KIRREL3: variants seen among roughly 807,000 people sequenced by gnomAD.
The protein encoded by KIRREL3 is kin of IRRE-like protein 3.
KIRREL3 carries 36 observed loss-of-function variants against 89.7 expected under a neutral mutation model. That is an observed-to-expected ratio of 0.40 (90% confidence interval 0.31 to 0.53). The LOEUF is 0.53. Among genes scored for constraint, KIRREL3 ranks in the 20% least tolerant of loss-of-function variants. The probability of loss-of-function intolerance (pLI) is 0.49; values close to 1 mark genes in which losing one functional copy is unlikely to be tolerated. For synonymous variants in KIRREL3, 445 were observed against 441.4 expected (o/e 1.01, Z -0.10); for missense variants, 864 against 1,056.6 (o/e 0.82, Z 2.53).
At chr11:126,781,733 G>C (rs1950332543) in intron 1 of KIRREL3, among the ~76,000 whole-genome samples, 1 of 152,096 alleles carries the variant, frequency 6.6e-6, no homozygotes, top group Non-Finnish European at 1.5e-5. Flanking sequence ...GACACCAAAG[G>C]GCTCTGTGGG....
intron 1 of KIRREL3, among the ~76,000 whole-genome samples, chr11:126,629,527 G>T (rs1026905944): frequency 1.3e-5 from 2 of 152,156 alleles, no homozygotes; most frequent in African/African-American, 4.8e-5. Context: ...TCTCTCTAGG[G>T]GTGGAGGGAC....
intron 1 of KIRREL3, among the ~76,000 whole-genome samples, chr11:126,662,953 T>A (rs1431228964): frequency 6.9e-6 from 1 of 144,032 alleles, no homozygotes; most frequent in African/African-American, 2.6e-5. Context: ...TTCTTACTCA[T>A]GTATTTCTAC....
In KIRREL3 at chr11:126,805,320, T is replaced by C. The variant is rs1951170511; in HGVS notation, c.55+195135A>G. Among the ~76,000 whole-genome samples the C allele has an allele frequency of 6.6e-6, 1 of 152,184 alleles. No homozygotes were observed. Among genetic ancestry groups the C allele is most frequent in the Non-Finnish European group, 1.5e-5 (1 of 68,028 alleles). ...AAGGGCTGCCATTCATCAGTCAGCA[T>C]TGATATGGAGAGGGAAAGGAGATTA... is the stretch of plus-strand genomic sequence containing the variant. On this transcript the variant is annotated intron_variant, in intron 1 of 16. Transcript: ENST00000525144. The surrounding 1 kb of genome is among the most constrained non-coding windows in gnomAD (Gnocchi z 4.3).
Position 126,525,702 on chromosome 11 carries a change from C to A in KIRREL3, c.283+836G>T, listed in dbSNP as rs555312858. Among the ~76,000 whole-genome samples the A allele has an allele frequency of 6.6e-6, 1 of 152,300 alleles. No individual in the cohort carries two copies. The highest frequency in any genetic ancestry group is 2.1e-4 in the South Asian group (1 of 4,828). The stretch of plus-strand genomic sequence containing the variant: ...TCACAGGGGAATGACACCCAGAGGT[C>A]CCTGCTTGTGAATTTTACTGTGTAC... On this transcript the variant is annotated intron_variant, in intron 3 of 16. Coordinates refer to ENST00000525144, the MANE Select transcript of KIRREL3 (RefSeq NM_032531.4). This position sits in a 1 kb window ranked among gnomAD's most constrained non-coding sequence, Gnocchi z 5.4.
At chr11:126,720,262 T>G (rs1948119108) in intron 1 of KIRREL3, among the ~76,000 whole-genome samples, 3 of 152,234 alleles carry the variant, frequency 2.0e-5, no homozygotes, top group Admixed American at 2.0e-4. Context: ...AGGTGCCAAA[T>G]AAATATTTGC....
At chr11:126,921,861 G>A (rs1947331045) in intron 1 of KIRREL3, among the ~76,000 whole-genome samples, 1 of 125,586 alleles carries the variant, frequency 8.0e-6, no homozygotes, top group Non-Finnish European at 1.7e-5. Context: ...CTATCTTTCT[G>A]TCATCCTATC....
rs1415454135 is a variant in KIRREL3, at chr11:126,788,251, C to T, written c.55+212204G>A. Reference sequence around the variant, plus strand: ...TTTCATTCCTATGGACGTTGCCTCCCAGGGCTGCTCTCCAAGCCCCAATTC... The same window carrying T: ...TTTCATTCCTATGGACGTTGCCTCCTAGGGCTGCTCTCCAAGCCCCAATTC... On this transcript the variant is annotated intron_variant, in intron 1 of 16. Transcript: ENST00000525144. This position sits in a 1 kb window ranked among gnomAD's most constrained non-coding sequence, Gnocchi z 4.1. 6.6e-6 allele frequency among the ~76,000 whole-genome samples: 1 copy of T among 152,208 alleles called. No homozygotes were observed. Among genetic ancestry groups the T allele is most frequent in the East Asian group, 1.9e-4 (1 of 5,196 alleles).
intron 1 of KIRREL3, among the ~76,000 whole-genome samples, chr11:126,699,071 A>C (rs918497251): frequency 1.3e-5 from 2 of 152,206 alleles, no homozygotes; most frequent in Non-Finnish European, 2.9e-5. Flanking sequence ...AAGGGGTGCC[A>C]GGAGAGAGGC....
intron 1 of KIRREL3, chr11:126,681,840 T>C: frequency 2.2e-6 from 1 of 452,332 alleles, no homozygotes; most frequent in Non-Finnish European, 4.5e-6. Context: ...CGTTTCAGAA[T>C]CCCAGGTCCG....
Position 126,807,679 on chromosome 11 carries a change from T to A in KIRREL3, c.55+192776A>T, listed in dbSNP as rs1451040269. Among the ~76,000 whole-genome samples the A allele has an allele frequency of 1.3e-5, 2 of 152,080 alleles. No homozygotes were observed. The highest frequency in any genetic ancestry group is 2.1e-4 in the South Asian group (1 of 4,824). ...CCTGGAGTGCTTTTCCCCTTACCAT[T>A]CACCTGGATTTTGAAAAATCGTCCT... On this transcript the variant is annotated intron_variant, in intron 1 of 16. Transcript: ENST00000525144. This position sits in a 1 kb window ranked among gnomAD's most constrained non-coding sequence, Gnocchi z 4.3.
chr11:126,745,694 C>T (rs1337862349), intron 1 of KIRREL3, among the ~76,000 whole-genome samples: 1 of 152,198 alleles, frequency 6.6e-6, no homozygotes, highest in Non-Finnish European at 1.5e-5. Context: ...TGAGCTTCAC[C>T]CCCTTGGTGC....
chr11:126,616,905 G>A (rs904872499), intron 1 of KIRREL3, among the ~76,000 whole-genome samples: 2 of 152,240 alleles, frequency 1.3e-5, no homozygotes, highest in African/African-American at 2.4e-5. Context: ...GCCTCCCAAA[G>A]TGTTGGGATT....
rs1359656466 is a variant in KIRREL3 at position 126,656,054 on chromosome 11, G to A, written c.56-93142C>T. The A allele has an allele frequency of 2.3e-6, 1 of 439,440 alleles. No homozygotes were observed. The highest frequency in any genetic ancestry group is 4.6e-6 in the Non-Finnish European group (1 of 216,204). 27.2% of individuals were successfully genotyped at this position (439,440 alleles called of 1,614,324 possible). A position where few individuals can be genotyped will look rare whatever the true frequency, so the allele number is the denominator to read the frequency against. On this transcript the variant is annotated intron_variant, in intron 1 of 16. Coordinates refer to ENST00000525144, the MANE Select transcript of KIRREL3 (RefSeq NM_032531.4). This position sits in a 1 kb window ranked among gnomAD's most constrained non-coding sequence, Gnocchi z 4.0. ...GGAAATGGGAACCTGAGCCAGGAGA[G>A]TCCTGTGGATTCACTAGATTCTGGG...
chr11:126,608,171 G>A lies in KIRREL3; in HGVS notation c.56-45259C>T, dbSNP rs1942966472. Reference sequence around the variant, plus strand: ...TTCCAGGAATGCAGCTGGAGGTGGGGGCGGGCCATGGTGGGCCAGGACAGG... The same window carrying A: ...TTCCAGGAATGCAGCTGGAGGTGGGAGCGGGCCATGGTGGGCCAGGACAGG... On this transcript the variant is annotated intron_variant, in intron 1 of 16. Transcript: ENST00000525144. The surrounding 1 kb of genome is among the most constrained non-coding windows in gnomAD (Gnocchi z 4.9). Among the ~76,000 whole-genome samples the A allele has an allele frequency of 2.0e-5, 3 of 152,302 alleles. No individual in the cohort carries two copies. In the South Asian group the frequency reaches 6.2e-4, roughly 32 times the overall value.
intron 7 of KIRREL3, among the ~76,000 whole-genome samples, chr11:126,452,752 G>T (rs1472417999): frequency 2.0e-5 from 3 of 152,174 alleles, no homozygotes; most frequent in Non-Finnish European, 2.9e-5. Flanking sequence ...GAAGAGGACC[G>T]GAGCCGCTGT....
intron 4 of KIRREL3, among the ~76,000 whole-genome samples, chr11:126,473,727 G>A (rs922344836): frequency 6.6e-6 from 1 of 152,208 alleles, no homozygotes; most frequent in Non-Finnish European, 1.5e-5. Flanking sequence ...AGGGCCAGCA[G>A]CCTCAGCCTG....
At chr11:126,730,916 T>G (rs71475977) in intron 1 of KIRREL3, among the ~76,000 whole-genome samples, 3,666 of 152,152 alleles carry the variant, frequency 0.024, 80 homozygotes, top group Admixed American at 0.047. Flanking sequence ...TTTTTTTATA[T>G]TTTTAGTAGA....
intron 1 of KIRREL3, among the ~76,000 whole-genome samples, chr11:126,809,995 T>C (rs142855366): frequency 6.6e-6 from 1 of 152,314 alleles, no homozygotes; most frequent in Non-Finnish European, 1.5e-5. Context: ...TCGCCTCAGC[T>C]TGTTTCATGG....
Position 126,541,719 on chromosome 11 carries a change from C to A in KIRREL3, c.134-15032G>T, listed in dbSNP as rs985146323. Among the ~76,000 whole-genome samples the A allele has an allele frequency of 6.6e-6, 1 of 151,976 alleles. No individual in the cohort carries two copies. Among genetic ancestry groups the A allele is most frequent in the Non-Finnish European group, 1.5e-5 (1 of 68,010 alleles). On this transcript the variant is annotated intron_variant, in intron 2 of 16. Coordinates refer to ENST00000525144, the MANE Select transcript of KIRREL3 (RefSeq NM_032531.4). This position sits in a 1 kb window ranked among gnomAD's most constrained non-coding sequence, Gnocchi z 4.8. ...AGCTTCTGGGTCATCCTTCTGCAGGCGGTTTCTGGGCCACATCCTAAGGGC... is the reference window on the plus strand; with the variant it reads ...AGCTTCTGGGTCATCCTTCTGCAGGAGGTTTCTGGGCCACATCCTAAGGGC...
Sources: gnomAD v4.1 joint callset for allele counts (sites outside exome capture counted in the v4.1 genomes callset) on GRCh38, gnomAD v4.1.1 for gene constraint, Gnocchi (gnomAD v3.1) non-coding constraint, MANE v1.5 for transcripts, NCBI Gene and HGNC (gene_info 2026-07-23, HGNC 2026-07-21) for gene names.